The following SELENOK variants were observed in gnomAD, a reference collection of about 807,000 sequenced individuals.
SELENOK encodes the protein selenoprotein K.
In SELENOK, 11 loss-of-function variants were observed where a neutral mutation model predicts 17.3. That is an observed-to-expected ratio of 0.63 (90% CI 0.40 to 1.05). SELENOK has a LOEUF of 1.05. Among genes scored for constraint, SELENOK ranks in the 50% least tolerant of loss-of-function variants. The pLI is 0.00. For synonymous variants in SELENOK, 45 were observed against 35.4 expected, an observed-to-expected ratio of 1.27 and a Z score of -0.97; for missense variants, 125 against 113.9, an observed-to-expected ratio of 1.10 and a Z score of -0.44.
rs1336447340 is a variant in SELENOK at position 53,885,012 on chromosome 3, T to A, written c.*546A>T. ...AGCTATGGTTTTATAAATACCCTGA[T>A]AATTACATTTGGTAGCAAATTAGAC... On this transcript the variant is annotated 3_prime_UTR_variant, in exon 5 of 5. Coordinates refer to ENST00000495461, the MANE Select transcript of SELENOK (RefSeq NM_021237.5). 1 of 152,282 alleles carries A rather than the reference T, an allele frequency of 6.6e-6. No homozygotes were observed. The highest frequency in any genetic ancestry group is 2.4e-5 in the African/African-American group (1 of 41,478). 9.4% of individuals were successfully genotyped at this position (152,282 alleles called of 1,614,324 possible).
rs112061038 is a variant in SELENOK, at chr3:53,891,793, T to A, written c.-5A>T. 1 of 1,613,978 alleles carries A rather than the reference T, an allele frequency of 6.2e-7. No individual in the cohort carries two copies. The highest frequency in any genetic ancestry group is 8.5e-7 in the Non-Finnish European group (1 of 1,179,818). On this transcript the variant is annotated 5_prime_UTR_variant, in exon 1 of 5. Transcript: ENST00000495461. ...ACCGTTCGAGATGTAAACCATCTTG[T>A]CCCACTTCCCCGCTTCGGAGCCACC...
chr3:53,886,041 A>G lies in SELENOK; in HGVS notation c.195-129T>C, dbSNP rs9846176. The G allele has an allele frequency of 1.6e-3, 1,006 of 619,148 alleles. 19 individuals carry two copies. In the African/African-American group the frequency reaches 0.018, roughly 11 times the overall value. 38.4% of individuals were successfully genotyped at this position (619,148 alleles called of 1,614,324 possible). ...GACCCTAAAACACAATTTAAAATAG[A>G]AACTACCATTTTAGGTCAGGAGGCA... On this transcript the variant is annotated intron_variant, in intron 3 of 4. Transcript: ENST00000495461.
At chr3:53,889,086 A>G (rs1311741909) in intron 1 of SELENOK, among the ~76,000 whole-genome samples, 3 of 152,172 alleles carry the variant, frequency 2.0e-5, no homozygotes, top group African/African-American at 7.2e-5. Flanking sequence ...ACATATATAT[A>G]AAACAAAAAT....
At chr3:53,888,610 C>G in intron 1 of SELENOK, 127 bp from the exon 2 acceptor site, 1 of 708,742 alleles carries the variant, frequency 1.4e-6, no homozygotes, top group Non-Finnish European at 2.5e-6. Flanking sequence ...ATGGCCAACA[C>G]CAGAAGAAAT....
rs748694126 is a variant in SELENOK, at chr3:53,891,777, G to T, written c.12C>A (p.Ile4=). The change falls in exon 1 of 5, where the codon ATC becomes ATA. Residue 4 remains isoleucine, a synonymous_variant. Coordinates refer to ENST00000495461, the MANE Select transcript of SELENOK (RefSeq NM_021237.5). ...AGCCCGCTCTCAACTTACCGTTCGA[G>T]ATGTAAACCATCTTGTCCCACTTCC... The part of the protein sequence containing the change: MVY[I]SNGQVLDSRS... 4 of 1,613,920 alleles carry T rather than the reference G, an allele frequency of 2.5e-6. No homozygotes were observed. The highest frequency in any genetic ancestry group is 3.3e-5 in the Admixed American group (2 of 60,010).
intron 1 of SELENOK, among the ~76,000 whole-genome samples, chr3:53,890,640 T>C (rs1370512078): frequency 6.6e-6 from 1 of 152,212 alleles, no homozygotes; most frequent in Non-Finnish European, 1.5e-5. Flanking sequence ...ACAAAGGCTA[T>C]AAAACAGGCT....
chr3:53,886,114 C>G (rs1213275227), intron 3 of SELENOK, among the ~76,000 whole-genome samples: 4 of 152,190 alleles, frequency 2.6e-5, no homozygotes, highest in Admixed American at 2.6e-4. Context: ...ACACAAGGAA[C>G]TGAGTCAAGA....
At chr3:53,890,554 G>A (rs1700160429) in intron 1 of SELENOK, among the ~76,000 whole-genome samples, 1 of 152,114 alleles carries the variant, frequency 6.6e-6, no homozygotes, top group Non-Finnish European at 1.5e-5. Flanking sequence ...GAAATAATGC[G>A]AACACAGTAA....
In SELENOK at chr3:53,885,437, G is replaced by A. The variant is rs1404953741; in HGVS notation, c.*121C>T. 2.4e-5 allele frequency: 23 copies of A among 941,388 alleles called. No homozygotes were observed. Among genetic ancestry groups the A allele is most frequent in the Non-Finnish European group, 3.5e-5 (21 of 606,122 alleles). 58.3% of individuals were successfully genotyped at this position (941,388 alleles called of 1,614,324 possible). On this transcript the variant is annotated 3_prime_UTR_variant, in exon 5 of 5. Transcript: ENST00000495461. ...CCTCATTCATCTGTGAGGACACAGA[G>A]CAGTCCTTGTTTAGACATACACATT...
Position 53,885,516 on chromosome 3 carries a change from A to G in SELENOK, c.*42T>C. 1 of 1,596,578 alleles carries G rather than the reference A, an allele frequency of 6.3e-7. No individual in the cohort carries two copies. Among genetic ancestry groups the G allele is most frequent in the African/African-American group, 1.3e-5 (1 of 74,242 alleles). On this transcript the variant is annotated 3_prime_UTR_variant, in exon 5 of 5. Transcript: ENST00000495461. ...CACTTCTTGATGGTTTCCTTCTGCT[A>G]TGAATGCGCATGTCCGGTTGTCTGC...
At position 53,884,835 on chromosome 3, in the gene SELENOK, T is replaced by C. The variant is rs1408400268; in HGVS notation, c.*723A>G. 2.6e-5 allele frequency: 4 copies of C among 152,256 alleles called. No individual in the cohort carries two copies. The highest frequency in any genetic ancestry group is 1.3e-4 in the Admixed American group (2 of 15,284). The allele number at this position is 152,256 out of a possible 1,614,324, so 9.4% of individuals were successfully genotyped here. On this transcript the variant is annotated 3_prime_UTR_variant, in exon 5 of 5. Coordinates refer to ENST00000495461, the MANE Select transcript of SELENOK (RefSeq NM_021237.5). ...TTTGTTATTTTAGGTTTCGTCATGC[T>C]GCAGGCTGGTCTCAAACTCGTGAAC...
At chr3:53,886,300 G>A (rs540574592) in intron 3 of SELENOK, among the ~76,000 whole-genome samples, 7 of 152,106 alleles carry the variant, frequency 4.6e-5, no homozygotes, top group African/African-American at 1.2e-4. Context: ...GCAGTGGCAC[G>A]ATCTCAGCTC....
chr3:53,887,889 C>T (rs34717355), intron 2 of SELENOK: 18,716 of 152,238 alleles, frequency 0.12, 1,243 homozygotes, highest in South Asian at 0.24. Context: ...CCAAAACATG[C>T]ATTTAACTAG....
chr3:53,886,601 T>C (rs954260677), intron 3 of SELENOK, among the ~76,000 whole-genome samples: 3 of 152,354 alleles, frequency 2.0e-5, no homozygotes, highest in South Asian at 2.1e-4. Context: ...ATTTTAATGG[T>C]GGCCATCAGT....
chr3:53,890,372 T>C (rs1700159045), intron 1 of SELENOK, among the ~76,000 whole-genome samples: 1 of 152,256 alleles, frequency 6.6e-6, no homozygotes, highest in Admixed American at 6.5e-5. Flanking sequence ...AATTGGAACC[T>C]GTCATTTCTT....
At position 53,885,504 on chromosome 3, in the gene SELENOK, T is replaced by C. The variant is rs1231149409; in HGVS notation, c.*54A>G. 3.8e-6 allele frequency: 6 copies of C among 1,586,822 alleles called. No homozygotes were observed. The East Asian group carries it at 1.1e-4, about 30-fold the overall frequency. ...TGGTCAGCCTTCCACTTCTTGATGG[T>C]TTCCTTCTGCTATGAATGCGCATGT... On this transcript the variant is annotated 3_prime_UTR_variant, in exon 5 of 5. Coordinates refer to ENST00000495461, the MANE Select transcript of SELENOK (RefSeq NM_021237.5).
chr3:53,887,794 G>A (rs1700137468), intron 2 of SELENOK, among the ~76,000 whole-genome samples: 1 of 152,136 alleles, frequency 6.6e-6, no homozygotes, highest in Admixed American at 6.5e-5. Context: ...CTGATCATGA[G>A]ACACTCAAAT....
intron 2 of SELENOK, 58 bp downstream of exon 2, chr3:53,888,335 C>G (rs1700141304): frequency 9.5e-7 from 1 of 1,053,460 alleles, no homozygotes; most frequent in Admixed American, 2.0e-5. Context: ...ACATAATGCA[C>G]ATGATGTATA....
chr3:53,886,815 CAT>C, intron 3 of SELENOK, 34 bp downstream of exon 3: 1 of 1,302,840 alleles, frequency 7.7e-7, no homozygotes, highest in Non-Finnish European at 1.1e-6. Context: ...TATACAAAGA[CAT>C]AAAAACAACT....
Sources: allele counts gnomAD v4.1 joint callset (sites outside exome capture counted in the v4.1 genomes callset), GRCh38; gene constraint gnomAD v4.1.1; transcripts MANE v1.5; gene names NCBI Gene and HGNC (gene_info 2026-07-23, HGNC 2026-07-21).